The following RPTOR variants were observed in gnomAD, a reference collection of about 807,000 sequenced individuals.
RPTOR encodes regulatory-associated protein of mTOR.
RPTOR carries 21 observed loss-of-function variants against 169.9 expected under a neutral mutation model. The observed-to-expected ratio is 0.12, with a 90% CI of 0.09 to 0.18. The LOEUF (loss-of-function observed/expected upper bound fraction) is 0.18. Ranked by LOEUF, RPTOR falls within the 10% of genes least tolerant of loss-of-function variation. The pLI, the probability that RPTOR is intolerant of heterozygous loss-of-function variation, is 1.00. For missense variants in RPTOR, 1,133 were observed against 1,855.9 expected (o/e 0.61, Z 7.16); for synonymous variants, 732 against 753.2 (o/e 0.97, Z 0.46).
chr17:80,845,007 G>A lies in RPTOR; in HGVS notation c.1213-1466G>A, dbSNP rs1247424438. 4.7e-5 allele frequency among the ~76,000 whole-genome samples: 7 copies of A among 150,176 alleles called. No individual in the cohort carries two copies. In the South Asian group the frequency reaches 6.3e-4, roughly 13 times the overall value. On this transcript the variant is annotated intron_variant, in intron 10 of 33. Coordinates refer to ENST00000306801, the MANE Select transcript of RPTOR (RefSeq NM_020761.3). This position sits in a 1 kb window ranked among gnomAD's most constrained non-coding sequence, Gnocchi z 5.4. ...TTTTTTTTCTTTAATTCTTTGTATC[G>A]GGGGCTCAGGGAAGGCAGAGCTGTG... is the stretch of plus-strand genomic sequence containing the variant.
Position 80,791,484 on chromosome 17 carries a change from G to C in RPTOR, c.865G>C (p.Gly289Arg). 1 of 1,613,796 alleles carries C rather than the reference G, an allele frequency of 6.2e-7. No individual in the cohort carries two copies. Among genetic ancestry groups the C allele is most frequent in the East Asian group, 2.2e-5 (1 of 44,866 alleles). ...GCAGAAATGTGTCAGTCTGGTGCCT[G>C]GCGTCACACTGGATTTGATAGAAAA... Reference protein sequence around the residue: ...CMQKCVSLVPGVTLDLIEKIP... With the variant: ...CMQKCVSLVPRVTLDLIEKIP... Residue 289 changes from glycine to arginine, a missense_variant, in exon 7 of 34, where the codon GGC becomes CGC. Transcript: ENST00000306801.
intron 21 of RPTOR, among the ~76,000 whole-genome samples, chr17:80,922,217 G>C (rs574611696): frequency 6.6e-6 from 1 of 152,334 alleles, no homozygotes; most frequent in African/African-American, 2.4e-5. Flanking sequence ...CACATCGCCC[G>C]GCTCCGGAAA....
chr17:80,902,739 C>A (rs2068492300), intron 20 of RPTOR, among the ~76,000 whole-genome samples: 1 of 152,244 alleles, frequency 6.6e-6, no homozygotes, highest in Admixed American at 6.5e-5. Context: ...CCCAGACACC[C>A]ATGCATGTGG....
At chr17:80,575,476 C>T (rs1352696255) in intron 1 of RPTOR, among the ~76,000 whole-genome samples, 4 of 152,132 alleles carry the variant, frequency 2.6e-5, no homozygotes, top group East Asian at 1.9e-4. Flanking sequence ...GCAGGTGCAC[C>T]GCACGTCTGT....
chr17:80,604,709 G>A (rs564646684), intron 1 of RPTOR, among the ~76,000 whole-genome samples: 8 of 152,320 alleles, frequency 5.3e-5, no homozygotes, highest in South Asian at 2.1e-4. Context: ...GCAAAGTCGC[G>A]TCTCACATGG....
At chr17:80,924,125 C>T (rs760267489) in intron 23 of RPTOR, 5 of 179,046 alleles carry the variant, frequency 2.8e-5, no homozygotes, top group Non-Finnish European at 5.8e-5. Flanking sequence ...CATCCAAGTA[C>T]GCTGCATAAA....
At chr17:80,743,657 A>G (rs1383557637) in intron 5 of RPTOR, among the ~76,000 whole-genome samples, 2 of 151,994 alleles carry the variant, frequency 1.3e-5, no homozygotes, top group Admixed American at 1.3e-4. Context: ...TGCCCTCGGC[A>G]GCAAGGGTTG....
In RPTOR at chr17:80,753,294, C is replaced by T. The variant is rs1434285661; in HGVS notation, c.655-716C>T. Among the ~76,000 whole-genome samples, 3 of 152,210 alleles carry T rather than the reference C, an allele frequency of 2.0e-5. No homozygotes were observed. The East Asian group carries it at 5.8e-4, about 29-fold the overall frequency. ...AGTTCACATCATATAACCTGAACGT[C>T]TTCCCATGTCATTAAACACAACAAA... On this transcript the variant is annotated intron_variant, in intron 5 of 33. Coordinates refer to ENST00000306801, the MANE Select transcript of RPTOR (RefSeq NM_020761.3).
intron 3 of RPTOR, among the ~76,000 whole-genome samples, chr17:80,689,119 T>C: frequency 6.6e-6 from 1 of 152,356 alleles, no homozygotes; most frequent in South Asian, 2.1e-4. Context: ...CGGTTTCATA[T>C]GTATGGAGTA....
At chr17:80,862,279 G>A (rs1040897213) in intron 13 of RPTOR, among the ~76,000 whole-genome samples, 1 of 152,132 alleles carries the variant, frequency 6.6e-6, no homozygotes. Flanking sequence ...CCACTGAGGG[G>A]CATTTTGAAG....
rs2291360 is a variant in RPTOR, at chr17:80,754,721, A to G, written c.830+536A>G. Among the ~76,000 whole-genome samples the G allele has an allele frequency of 0.56, 84,647 of 152,048 alleles. 25,281 individuals are homozygous for G. The highest frequency in any genetic ancestry group is 0.8 in the East Asian group (4,119 of 5,168). ...GCCGCATTTCAGCCCCAACATCCCC[A>G]GCAGAACGCACAGTGGGATATGTGT... On this transcript the variant is annotated intron_variant, in intron 6 of 33. Transcript: ENST00000306801. The surrounding 1 kb of genome is among the most constrained non-coding windows in gnomAD (Gnocchi z 4.2).
Position 80,947,198 on chromosome 17 carries a change from CT to C in RPTOR, c.3141-23del, listed in dbSNP as rs754645508. 1 of 1,544,668 alleles carries C rather than the reference CT, an allele frequency of 6.5e-7. No individual in the cohort carries two copies. The highest frequency in any genetic ancestry group is 8.7e-7 in the Non-Finnish European group (1 of 1,150,794). On this transcript the variant is annotated intron_variant, in intron 26 of 33. Coordinates refer to ENST00000306801, the MANE Select transcript of RPTOR (RefSeq NM_020761.3). This position sits in a 1 kb window ranked among gnomAD's most constrained non-coding sequence, Gnocchi z 4.4. The stretch of plus-strand genomic sequence containing the variant: ...ATTTGGGTTTGCAGTTTCCTAATGA[CT>C]TTTTTATTCCTCTCTTCTTCCCTTA...
intron 3 of RPTOR, among the ~76,000 whole-genome samples, chr17:80,700,430 GTGGTTATGA>G (rs2066075630): frequency 1.1e-5 from 1 of 93,368 alleles, no homozygotes; most frequent in Non-Finnish European, 2.3e-5. Context: ...GGTGATGGTG[GTGGTTATGA>G]TGGTGGTGGT....
At chr17:80,912,935 G>C (rs576533977) in intron 21 of RPTOR, among the ~76,000 whole-genome samples, 1 of 152,298 alleles carries the variant, frequency 6.6e-6, no homozygotes, top group African/African-American at 2.4e-5. Context: ...GGTGGAGAAG[G>C]TCAAGAGAAG....
At chr17:80,700,774 A>C (rs927897583) in intron 3 of RPTOR, among the ~76,000 whole-genome samples, 13 of 7,872 alleles carry the variant, frequency 1.7e-3, no homozygotes, top group Non-Finnish European at 2.3e-3. Flanking sequence ...TGGTGATGGT[A>C]GAGATGATGA....
In RPTOR at chr17:80,727,616, C is replaced by T. The variant is rs180736818; in HGVS notation, c.508-2944C>T. 3.9e-3 allele frequency among the ~76,000 whole-genome samples: 599 copies of T among 152,332 alleles called. 6 individuals are homozygous for T. The highest frequency in any genetic ancestry group is 0.014 in the African/African-American group (576 of 41,560). On this transcript the variant is annotated intron_variant, in intron 4 of 33. Transcript: ENST00000306801. Reference sequence around the variant, plus strand: ...GTGGACGCTGCACCTCTGACCATGTCGCGCTGGCCAGAATTTGGCTGCAGG... The same window carrying T: ...GTGGACGCTGCACCTCTGACCATGTTGCGCTGGCCAGAATTTGGCTGCAGG...
chr17:80,838,219 C>T (rs948976284), intron 10 of RPTOR, among the ~76,000 whole-genome samples: 8 of 152,240 alleles, frequency 5.3e-5, no homozygotes, highest in African/African-American at 1.9e-4. Flanking sequence ...AGTCCTATCT[C>T]AAAATTTTGC....
intron 2 of RPTOR, among the ~76,000 whole-genome samples, chr17:80,634,292 ACTGTGTGTGTGCGTAC>A (rs2065470256): frequency 8.5e-6 from 1 of 117,114 alleles, no homozygotes; most frequent in African/African-American, 3.6e-5. Context: ...GTGTGTGCGT[ACTGTGTGTGTGCGTAC>A]TGTGCGTGTG....
At chr17:80,762,446 C>T (rs2066745511) in intron 6 of RPTOR, among the ~76,000 whole-genome samples, 2 of 152,174 alleles carry the variant, frequency 1.3e-5, no homozygotes, top group Non-Finnish European at 2.9e-5. Context: ...TGAGGGCACT[C>T]GGCTCTCCTC....
Sources: allele counts gnomAD v4.1 joint callset (sites outside exome capture counted in the v4.1 genomes callset), GRCh38; gene constraint gnomAD v4.1.1; non-coding constraint Gnocchi (gnomAD v3.1); transcripts MANE v1.5; gene names NCBI Gene and HGNC (gene_info 2026-07-23, HGNC 2026-07-21).